The following NRXN1 variants were observed in gnomAD, a reference collection of about 807,000 sequenced individuals.
NRXN1 encodes neurexin-1.
NRXN1 carries 39 observed loss-of-function variants against 150.9 expected under a neutral mutation model. The ratio of observed to expected loss-of-function variants is 0.26; its 90% CI spans 0.20 to 0.34. The LOEUF is 0.34. Ranked by LOEUF, NRXN1 falls within the 10% of genes least tolerant of loss-of-function variation. NRXN1 has a pLI of 1.00. For missense variants in NRXN1, 1,815 were observed against 1,949.9 expected (o/e 0.93, Z 1.30); for synonymous variants, 924 against 757.0 (o/e 1.22, Z -3.62).
intron 18 of NRXN1, among the ~76,000 whole-genome samples, chr2:50,098,151 C>A (rs562652731): frequency 6.6e-6 from 1 of 152,190 alleles, no homozygotes; most frequent in East Asian, 1.9e-4. Flanking sequence ...CCTATTTTCT[C>A]CATTAAATAG....
intron 21 of NRXN1, among the ~76,000 whole-genome samples, chr2:50,008,881 G>T (rs899226139): frequency 1.3e-5 from 2 of 152,034 alleles, no homozygotes; most frequent in Non-Finnish European, 2.9e-5. Context: ...TGTCACTAGG[G>T]GGTGTATGTT....
intron 5 of NRXN1, among the ~76,000 whole-genome samples, chr2:50,834,843 C>G (rs1671892119): frequency 6.6e-6 from 1 of 152,052 alleles, no homozygotes; most frequent in Non-Finnish European, 1.5e-5. Flanking sequence ...GGCAGATGGT[C>G]CTTAGTGCAC....
chr2:50,951,443 A>C (rs1463718401), intron 2 of NRXN1, among the ~76,000 whole-genome samples: 1 of 152,200 alleles, frequency 6.6e-6, no homozygotes, highest in Non-Finnish European at 1.5e-5. Flanking sequence ...TAATTATCTG[A>C]GCCTAGAACC....
chr2:50,445,256 T>A (rs2086297161), intron 17 of NRXN1, among the ~76,000 whole-genome samples: 1 of 152,168 alleles, frequency 6.6e-6, no homozygotes, highest in African/African-American at 2.4e-5. Context: ...AAATTCCATA[T>A]ATTTTGCTCA....
chr2:50,974,118 A>C (rs942703112), intron 2 of NRXN1, among the ~76,000 whole-genome samples: 6 of 152,174 alleles, frequency 3.9e-5, no homozygotes, highest in African/African-American at 1.4e-4. Flanking sequence ...GACTCGTTCA[A>C]AGCTCCCTAA....
chr2:50,223,085 C>T (rs910757737), intron 18 of NRXN1, among the ~76,000 whole-genome samples: 3 of 151,738 alleles, frequency 2.0e-5, no homozygotes, highest in Admixed American at 6.6e-5. Flanking sequence ...TTCTGAACAG[C>T]CTGTCATAAA....
intron 17 of NRXN1, among the ~76,000 whole-genome samples, chr2:50,360,350 T>C (rs1272727706): frequency 5.9e-5 from 9 of 152,210 alleles, no homozygotes; most frequent in African/African-American, 2.2e-4. Context: ...CGGTGTGCTG[T>C]ATTCAGGAGA....
Position 51,027,956 on chromosome 2 carries a change from G to A in NRXN1, c.318C>T (p.Asp106=), listed in dbSNP as rs201226288. ...GCCAGGCGCCGTCGTTAACCGGCGT[G>A]TCGGCCAGGAGCGTCGCAGGCTCAG... ...FCAEPATLLA[D]TPVNDGAWHS... is the part of the protein sequence containing the mutation. Residue 106 remains aspartate (D), a synonymous_variant, in exon 2 of 23, where the codon GAC becomes GAT. Transcript: ENST00000401669. The A allele has an allele frequency of 1.1e-5, 17 of 1,602,918 alleles. No homozygotes were observed. In the East Asian group the frequency reaches 1.1e-4, roughly 11 times the overall value.
intron 16 of NRXN1, among the ~76,000 whole-genome samples, chr2:50,468,055 C>T (rs1027621354): frequency 2.6e-5 from 4 of 151,452 alleles, no homozygotes; most frequent in Non-Finnish European, 5.9e-5. Context: ...CAGTGTTAAG[C>T]AAATAAACAG....
chr2:50,340,345 T>A (rs1372683339), intron 17 of NRXN1, among the ~76,000 whole-genome samples: 1 of 152,148 alleles, frequency 6.6e-6, no homozygotes, highest in African/African-American at 2.4e-5. Flanking sequence ...TGGAGAGATA[T>A]TCTACACCCT....
At chr2:50,301,021 T>C (rs2074100463) in intron 17 of NRXN1, among the ~76,000 whole-genome samples, 1 of 151,990 alleles carries the variant, frequency 6.6e-6, no homozygotes, top group South Asian at 2.1e-4. Context: ...ACCAAGCAGA[T>C]AAGGATGCCT....
chr2:50,596,459 C>T (rs1428164139), intron 8 of NRXN1, among the ~76,000 whole-genome samples: 1 of 152,150 alleles, frequency 6.6e-6, no homozygotes, highest in African/African-American at 2.4e-5. Flanking sequence ...ATCCTACTCC[C>T]CTTTCACAGA....
At chr2:50,201,936 A>C (rs1259725269) in intron 18 of NRXN1, among the ~76,000 whole-genome samples, 2 of 152,126 alleles carry the variant, frequency 1.3e-5, no homozygotes, top group African/African-American at 2.4e-5. Context: ...GTTTTCCTTA[A>C]GTTCTATTTT....
At position 50,453,317 on chromosome 2, in the gene NRXN1, C is replaced by A. The variant is rs545978280; in HGVS notation, c.3364+12125G>T. Among the ~76,000 whole-genome samples, 5 of 152,254 alleles carry A rather than the reference C, an allele frequency of 3.3e-5. 1 individual carries two copies. The East Asian group carries it at 9.7e-4, about 29-fold the overall frequency. On this transcript the variant is annotated intron_variant, in intron 17 of 22. Coordinates refer to ENST00000401669, the MANE Select transcript of NRXN1 (RefSeq NM_001330078.2). ...GAGATCTAAGAATATGTATTTCTGACAGATTCACAGGCAATGTTGACAATG... is the reference window on the plus strand; with the variant it reads ...GAGATCTAAGAATATGTATTTCTGAAAGATTCACAGGCAATGTTGACAATG...
intron 2 of NRXN1, among the ~76,000 whole-genome samples, chr2:51,006,797 C>T (rs1046735666): frequency 2.0e-5 from 3 of 151,834 alleles, no homozygotes; most frequent in Admixed American, 2.0e-4. Flanking sequence ...GCTTGCTCTA[C>T]CCTCTTCTCC....
At chr2:49,958,119 C>T (rs548833866) in intron 21 of NRXN1, among the ~76,000 whole-genome samples, 1 of 152,236 alleles carries the variant, frequency 6.6e-6, no homozygotes, top group East Asian at 1.9e-4. Flanking sequence ...AACACAAGTG[C>T]AGAAACAGGA....
chr2:50,192,051 T>C (rs1357150637), intron 18 of NRXN1, among the ~76,000 whole-genome samples: 2 of 152,168 alleles, frequency 1.3e-5, no homozygotes, highest in Non-Finnish European at 1.5e-5. Flanking sequence ...GAGGATTTTA[T>C]CTAAAATAGA....
chr2:50,215,332 T>G (rs183010230), intron 18 of NRXN1, among the ~76,000 whole-genome samples: 2 of 152,164 alleles, frequency 1.3e-5, no homozygotes, highest in African/African-American at 4.8e-5. Flanking sequence ...AGGCCTATTA[T>G]AAATAAATAC....
chr2:49,947,077 G>T (rs775208972), intron 21 of NRXN1, among the ~76,000 whole-genome samples: 2 of 152,056 alleles, frequency 1.3e-5, no homozygotes, highest in Non-Finnish European at 2.9e-5. Flanking sequence ...TAGTCTTGCC[G>T]GTCAGTTGCT....
Sources: gnomAD v4.1 joint callset for allele counts (sites outside exome capture counted in the v4.1 genomes callset) on GRCh38, gnomAD v4.1.1 for gene constraint, MANE v1.5 for transcripts, NCBI Gene and HGNC (gene_info 2026-07-23, HGNC 2026-07-21) for gene names.